SPECC1L: variants seen among roughly 807,000 people sequenced by gnomAD.
The protein encoded by SPECC1L is sperm antigen with calponin homology and coiled-coil domains 1 like, also known as cytospin-A.
A neutral mutation model predicts 116.8 loss-of-function variants in SPECC1L; 40 were observed. That is an observed-to-expected ratio of 0.34 (90% CI 0.27 to 0.45). SPECC1L has a LOEUF of 0.45. SPECC1L is among the 20% of genes least tolerant of loss of function. The pLI is 1.00. For synonymous variants in SPECC1L, 504 were observed against 500.6 expected (o/e 1.01, Z -0.09); for missense variants, 1,110 against 1,373.6 (o/e 0.81, Z 3.03).
intron 7 of SPECC1L, among the ~76,000 whole-genome samples, chr22:24,329,268 G>A (rs1391852459): frequency 1.3e-5 from 2 of 152,334 alleles, no homozygotes; most frequent in South Asian, 2.1e-4. Context: ...GTTAAGTATA[G>A]TGCAAATATT....
At chr22:24,329,553 A>AG (rs1366089487) in intron 7 of SPECC1L, among the ~76,000 whole-genome samples, 4 of 152,176 alleles carry the variant, frequency 2.6e-5, no homozygotes, top group African/African-American at 9.7e-5. Context: ...ACAGTTGCTC[A>AG]GGCTGCTTTC....
chr22:24,321,614 C>G lies in SPECC1L; in HGVS notation c.634C>G (p.Gln212Glu). ...LRNELRDMRA[Q>E]LGINEDHSEG... ...AAATGAACTGCGAGACATGCGTGCC[C>G]AGCTGGGCATTAATGAGGATCATTC... The change falls in exon 5 of 17, where the codon CAG (glutamine) becomes GAG (glutamate). Residue 212 changes from glutamine to glutamate, a missense_variant. Gln to Glu is a conservative substitution (Grantham distance 29). This residue lies in a region of SPECC1L where 437 missense variants were observed against 482.6 expected (regional missense o/e 0.91). Coordinates refer to ENST00000314328, the MANE Select transcript of SPECC1L (RefSeq NM_015330.6). 3 of 1,614,192 alleles carry G rather than the reference C, an allele frequency of 1.9e-6. No homozygotes were observed. The highest frequency in any genetic ancestry group is 2.5e-6 in the Non-Finnish European group (3 of 1,180,042).
chr22:24,401,770 G>A (rs915240812), intron 14 of SPECC1L, among the ~76,000 whole-genome samples: 5 of 152,188 alleles, frequency 3.3e-5, no homozygotes, highest in African/African-American at 1.2e-4. Context: ...CCTGTTGGCT[G>A]TGGATTCAGA....
intron 14 of SPECC1L, among the ~76,000 whole-genome samples, chr22:24,405,566 A>G (rs1256370093): frequency 6.6e-6 from 1 of 152,108 alleles, no homozygotes; most frequent in Non-Finnish European, 1.5e-5. Flanking sequence ...CAGGCTGGGC[A>G]CGGTAGCTCA....
At chr22:24,276,983 A>C (rs2048849543) in intron 2 of SPECC1L, among the ~76,000 whole-genome samples, 180 bp downstream of exon 2, 1 of 152,226 alleles carries the variant, frequency 6.6e-6, no homozygotes, top group Admixed American at 6.5e-5. Flanking sequence ...GGGTAGAGCC[A>C]ATTTTAAATC....
intron 2 of SPECC1L, among the ~76,000 whole-genome samples, chr22:24,289,316 A>C (rs781353822): frequency 6.6e-6 from 1 of 152,212 alleles, no homozygotes; most frequent in Non-Finnish European, 1.5e-5. Context: ...GTTGCCAGAC[A>C]TTCTTTTAGG....
At position 24,322,429 on chromosome 22, in the gene SPECC1L, A is replaced by C; in HGVS notation, c.1449A>C (p.Val483=). The C allele has an allele frequency of 6.2e-7, 1 of 1,614,204 alleles. No homozygotes were observed. Among genetic ancestry groups the C allele is most frequent in the Non-Finnish European group, 8.5e-7 (1 of 1,180,036 alleles). Residue 483 remains valine (V), a synonymous_variant, in exon 5 of 17, where the codon GTA becomes GTC. Coordinates refer to ENST00000314328, the MANE Select transcript of SPECC1L (RefSeq NM_015330.6). ...HHISYVIDED[V]KSGRYMELEQ... is the part of the protein sequence containing the mutation. The stretch of plus-strand genomic sequence containing the variant: ...TTTCTTATGTCATAGATGAAGATGT[A>C]AAAAGTGGGCGCTATATGGAATTAG...
intron 14 of SPECC1L, among the ~76,000 whole-genome samples, chr22:24,379,823 C>T (rs2042033022): frequency 6.6e-6 from 1 of 152,160 alleles, no homozygotes; most frequent in Admixed American, 6.6e-5. Context: ...TCTTTCATTG[C>T]AAGATCTGTA....
At chr22:24,348,255 G>A (rs990658268) in intron 11 of SPECC1L, among the ~76,000 whole-genome samples, 1 of 152,176 alleles carries the variant, frequency 6.6e-6, no homozygotes, top group Non-Finnish European at 1.5e-5. Flanking sequence ...GGTTGTGCAT[G>A]TTAGGCTGTG....
chr22:24,279,813 A>G (rs1322338244), intron 2 of SPECC1L, among the ~76,000 whole-genome samples: 1 of 152,112 alleles, frequency 6.6e-6, no homozygotes, highest in African/African-American at 2.4e-5. Flanking sequence ...TCTGACCTCA[A>G]GTGATCTGCC....
chr22:24,310,094 CA>C (rs2040433075), intron 3 of SPECC1L, among the ~76,000 whole-genome samples: 1 of 152,160 alleles, frequency 6.6e-6, no homozygotes, highest in Non-Finnish European at 1.5e-5. Context: ...CTTTTTTACA[CA>C]AAAGGTGGCA....
At chr22:24,405,992 G>T (rs1414460820) in intron 14 of SPECC1L, among the ~76,000 whole-genome samples, 2 of 152,264 alleles carry the variant, frequency 1.3e-5, no homozygotes, top group Middle Eastern at 3.4e-3. Flanking sequence ...TCAGACCCCT[G>T]TCCGCAAGCT....
chr22:24,294,720 C>G (rs1037040670), intron 2 of SPECC1L, among the ~76,000 whole-genome samples: 1 of 151,992 alleles, frequency 6.6e-6, no homozygotes, highest in African/African-American at 2.4e-5. Context: ...TTGAGTCCTC[C>G]TTGACTAGGT....
At chr22:24,289,947 T>C (rs2049125820) in intron 2 of SPECC1L, among the ~76,000 whole-genome samples, 1 of 152,198 alleles carries the variant, frequency 6.6e-6, no homozygotes, top group African/African-American at 2.4e-5. Flanking sequence ...TGCCTCCTCA[T>C]TACCCCCGGC....
In SPECC1L at chr22:24,414,906, T is replaced by G; in HGVS notation, c.*283T>G. 2.1e-6 allele frequency: 1 copy of G among 479,608 alleles called. No individual in the cohort carries two copies. The allele number at this position is 479,608 out of a possible 1,614,324, so 29.7% of individuals were successfully genotyped here. ...TGGAGTTTTCCTTCTGAAGAGAATA[T>G]TGAACTACACTAGTGCTCCAGGGCA... On this transcript the variant is annotated 3_prime_UTR_variant, in exon 17 of 17. Transcript: ENST00000314328.
intron 14 of SPECC1L, among the ~76,000 whole-genome samples, chr22:24,386,599 A>G (rs1239881199): frequency 2.0e-5 from 3 of 150,580 alleles, no homozygotes; most frequent in African/African-American, 4.9e-5. Context: ...TATTATTGTT[A>G]TTATTATTAT....
intron 2 of SPECC1L, among the ~76,000 whole-genome samples, chr22:24,284,499 A>G (rs2049005072): frequency 6.6e-6 from 1 of 151,992 alleles, no homozygotes; most frequent in African/African-American, 2.4e-5. Context: ...CAGTGGCGTG[A>G]TCTCGGCTCA....
chr22:24,378,850 T>C (rs2146684793), intron 14 of SPECC1L, among the ~76,000 whole-genome samples: 1 of 152,238 alleles, frequency 6.6e-6, no homozygotes, highest in Non-Finnish European at 1.5e-5. Flanking sequence ...GTTATAATAA[T>C]AATGAGAAAG....
rs568793446 is a variant in SPECC1L, at chr22:24,408,860, C to G, written c.3088-2728C>G. On this transcript the variant is annotated intron_variant, in intron 14 of 16. Coordinates refer to ENST00000314328, the MANE Select transcript of SPECC1L (RefSeq NM_015330.6). Reference sequence around the variant, plus strand: ...GATGCAGGTGATGAGAAGTCAGCCTCGTGATCCTCCACGTGGTCTGCTGCT... The same window carrying G: ...GATGCAGGTGATGAGAAGTCAGCCTGGTGATCCTCCACGTGGTCTGCTGCT... 3.8e-4 allele frequency among the ~76,000 whole-genome samples: 58 copies of G among 152,376 alleles called. 3 individuals carry two copies. The South Asian group carries it at 0.012, about 30-fold the overall frequency.
Sources: gnomAD v4.1 joint callset for allele counts (sites outside exome capture counted in the v4.1 genomes callset) on GRCh38, gnomAD v4.1.1 for gene constraint, gnomAD v4.1.1 regional missense constraint, MANE v1.5 for transcripts, NCBI Gene and HGNC (gene_info 2026-07-23, HGNC 2026-07-21) for gene names.